Variants in MKLN1 observed in about 807,000 individuals in gnomAD.
The protein encoded by MKLN1 is muskelin 1.
MKLN1 carries 18 observed loss-of-function variants against 99.0 expected under a neutral mutation model. The ratio of observed to expected loss-of-function variants is 0.18; its 90% CI spans 0.13 to 0.27. The LOEUF (loss-of-function observed/expected upper bound fraction) is 0.27. Among genes scored for constraint, MKLN1 ranks in the 10% least tolerant of loss-of-function variants. MKLN1 has a pLI of 1.00. For synonymous variants in MKLN1, 288 were observed against 293.2 expected, an observed-to-expected ratio of 0.98 and a Z score of 0.18; for missense variants, 621 against 875.9, an observed-to-expected ratio of 0.71 and a Z score of 3.67.
chr7:131,205,652 C>A (rs984108868), intron 3 of MKLN1, among the ~76,000 whole-genome samples: 4 of 152,104 alleles, frequency 2.6e-5, no homozygotes, highest in Admixed American at 2.6e-4. Context: ...CGGGGGAAGA[C>A]TCTGCTTCCA....
chr7:131,428,984 T>G (rs1478562392), intron 8 of MKLN1, 49 bp from the exon 9 acceptor site: 2 of 1,491,018 alleles, frequency 1.3e-6, no homozygotes, highest in South Asian at 2.3e-5. Context: ...TGGGTGCTTA[T>G]GCTTATTTTG....
intron 2 of MKLN1, among the ~76,000 whole-genome samples, chr7:131,172,387 C>T (rs1796228769): frequency 6.6e-6 from 1 of 151,864 alleles, no homozygotes; most frequent in South Asian, 2.1e-4. Context: ...GTGATCTCGG[C>T]TCACTGGAAG....
At chr7:131,319,088 C>A (rs919265146) in intron 3 of MKLN1, among the ~76,000 whole-genome samples, 3 of 152,196 alleles carry the variant, frequency 2.0e-5, no homozygotes, top group Admixed American at 6.5e-5. Flanking sequence ...CTCCCTAACT[C>A]ATTTTATGAG....
At chr7:131,132,947 A>AAAAGAAAGAAAGAAAG (rs1224385182) in intron 1 of MKLN1, among the ~76,000 whole-genome samples, 45 of 56,606 alleles carry the variant, frequency 7.9e-4, no homozygotes, top group African/African-American at 3.0e-3. Flanking sequence ...AAAAAAAAAA[A>AAAAGAAAGAAAGAAAG]AAAGAAAGAA....
chr7:131,292,426 A>G (rs1798234084), intron 3 of MKLN1, among the ~76,000 whole-genome samples: 1 of 152,140 alleles, frequency 6.6e-6, no homozygotes, highest in South Asian at 2.1e-4. Flanking sequence ...CCCCAAAAAG[A>G]TATGTTGAAG....
At chr7:131,276,640 G>A (rs945513263) in intron 3 of MKLN1, among the ~76,000 whole-genome samples, 1 of 152,176 alleles carries the variant, frequency 6.6e-6, no homozygotes, top group Non-Finnish European at 1.5e-5. Context: ...GGGTCTCTGA[G>A]GAAGATAAAC....
At chr7:131,322,274 C>G (rs868639325) in intron 3 of MKLN1, among the ~76,000 whole-genome samples, 18 of 152,276 alleles carry the variant, frequency 1.2e-4, no homozygotes, top group Admixed American at 2.0e-4. Flanking sequence ...TGCTGCTTAG[C>G]TAATTCCCTG....
At chr7:131,199,842 T>C (rs11970875) in intron 2 of MKLN1, among the ~76,000 whole-genome samples, 59,838 of 151,942 alleles carry the variant, frequency 0.39, 12,499 homozygotes, top group South Asian at 0.59. Context: ...TACAGGTGCG[T>C]GCCACCATGC....
intron 3 of MKLN1, among the ~76,000 whole-genome samples, chr7:131,284,822 T>C (rs1156511238): frequency 1.3e-5 from 2 of 152,176 alleles, no homozygotes; most frequent in Non-Finnish European, 2.9e-5. Context: ...TTCAAAGCCC[T>C]GAGGAATCTG....
intron 3 of MKLN1, among the ~76,000 whole-genome samples, chr7:131,258,611 T>C (rs1449698743): frequency 2.6e-5 from 4 of 152,182 alleles, no homozygotes; most frequent in Non-Finnish European, 4.4e-5. Flanking sequence ...GTTACAATTG[T>C]TGGTATAAAT....
chr7:131,225,999 T>C, intron 3 of MKLN1, among the ~76,000 whole-genome samples: 1 of 152,098 alleles, frequency 6.6e-6, no homozygotes, highest in East Asian at 1.9e-4. Flanking sequence ...CTGCTGTCCT[T>C]CCTGGCCTCT....
chr7:131,222,799 CTGAGGTCAGG>C (rs963478710), intron 3 of MKLN1, among the ~76,000 whole-genome samples: 12 of 149,568 alleles, frequency 8.0e-5, no homozygotes, highest in Non-Finnish European at 1.5e-4. Flanking sequence ...GGTGAATCAC[CTGAGGTCAGG>C]AGTTCAAGAC....
At chr7:131,319,811 G>A (rs541626841) in intron 3 of MKLN1, among the ~76,000 whole-genome samples, 3 of 152,222 alleles carry the variant, frequency 2.0e-5, no homozygotes, top group Non-Finnish European at 4.4e-5. Context: ...GCCAAATCAC[G>A]AGTGAACTCC....
chr7:131,403,104 A>T (rs1199898916), intron 6 of MKLN1, among the ~76,000 whole-genome samples: 1 of 152,174 alleles, frequency 6.6e-6, no homozygotes, highest in South Asian at 2.1e-4. Flanking sequence ...TGTTTTGTCT[A>T]CATTGAAAAT....
intron 3 of MKLN1, among the ~76,000 whole-genome samples, chr7:131,219,499 C>T (rs866228463): frequency 6.6e-6 from 1 of 152,112 alleles, no homozygotes; most frequent in South Asian, 2.1e-4. Flanking sequence ...CTATTCTTTA[C>T]TTCTCAGATA....
intron 1 of MKLN1, among the ~76,000 whole-genome samples, chr7:131,360,579 T>C (rs1191732933): frequency 6.6e-6 from 1 of 152,206 alleles, no homozygotes; most frequent in African/African-American, 2.4e-5. Flanking sequence ...GAGTATTTCC[T>C]ACTCTTCTCT....
chr7:131,430,746 G>A (rs1299127536), intron 9 of MKLN1, among the ~76,000 whole-genome samples: 5 of 151,946 alleles, frequency 3.3e-5, no homozygotes, highest in Non-Finnish European at 7.4e-5. Context: ...GACCTATTCT[G>A]TGTTCACCAA....
At chr7:131,462,744 T>G (rs1388718258) in intron 12 of MKLN1, among the ~76,000 whole-genome samples, 2 of 152,196 alleles carry the variant, frequency 1.3e-5, no homozygotes, top group African/African-American at 2.4e-5. Flanking sequence ...AATTGTTTAT[T>G]GTTTAGTTAA....
At chr7:131,216,738 C>G (rs894861613) in intron 3 of MKLN1, among the ~76,000 whole-genome samples, 5 of 152,156 alleles carry the variant, frequency 3.3e-5, no homozygotes, top group African/African-American at 1.2e-4. Flanking sequence ...TGTCTGTCAC[C>G]TGGGTAATGG....
Sources: gnomAD v4.1 joint callset for allele counts (sites outside exome capture counted in the v4.1 genomes callset) on GRCh38, gnomAD v4.1.1 for gene constraint, MANE v1.5 for transcripts, NCBI Gene and HGNC (gene_info 2026-07-23, HGNC 2026-07-21) for gene names.